The following ZMYM2 variants were observed in gnomAD, a reference collection of about 807,000 sequenced individuals.
The protein encoded by ZMYM2 is zinc finger MYM-type containing 2.
A neutral mutation model predicts 162.8 loss-of-function variants in ZMYM2; 56 were observed. The ratio of observed to expected loss-of-function variants is 0.34; its 90% CI spans 0.28 to 0.43. The LOEUF (loss-of-function observed/expected upper bound fraction) is 0.43. Ranked by LOEUF, ZMYM2 falls within the 20% of genes least tolerant of loss-of-function variation. ZMYM2 has a pLI of 1.00. For missense variants in ZMYM2, 1,275 were observed against 1,621.8 expected (o/e 0.79, Z 3.67); for synonymous variants, 510 against 541.6 (o/e 0.94, Z 0.81).
Position 19,993,869 on chromosome 13 carries a change from T to A in ZMYM2, c.797T>A (p.Val266Glu), listed in dbSNP as rs1460038608. ...VGPFNPGRMNVAGDVFQNGES... is the reference protein window; with the variant it reads ...VGPFNPGRMNEAGDVFQNGES... ...CCTTTTAATCCTGGTAGAATGAATG[T>A]GGCAGGAGACGTTTTTCAGAATGGA... Residue 266 changes from valine (V) to glutamate (E), a missense_variant, in exon 3 of 25, where the codon GTG (valine) becomes GAG (glutamate). Physicochemically the swap from Val to Glu is moderately radical, Grantham distance 121. This residue lies in a region of ZMYM2 where 115 missense variants were observed against 175.3 expected (regional missense o/e 0.66). Transcript: ENST00000610343. 2 of 1,613,928 alleles carry A rather than the reference T, an allele frequency of 1.2e-6. No homozygotes were observed. Among genetic ancestry groups the A allele is most frequent in the Non-Finnish European group, 1.7e-6 (2 of 1,179,936 alleles).
At position 20,001,583 on chromosome 13, in the gene ZMYM2, G is replaced by C. The variant is rs79534283; in HGVS notation, c.848-1267G>C. Among the ~76,000 whole-genome samples, 1,046 of 152,214 alleles carry C rather than the reference G, an allele frequency of 6.9e-3. 10 individuals are homozygous for C. Among genetic ancestry groups the C allele is most frequent in the African/African-American group, 0.023 (945 of 41,534 alleles). The stretch of plus-strand genomic sequence containing the variant: ...GACAACAAAGGATTTAGAGTATTAC[G>C]TAAACTTAGTTGATAAAGGAGTTGC... On this transcript the variant is annotated intron_variant, in intron 3 of 24. Coordinates refer to ENST00000610343, the MANE Select transcript of ZMYM2 (RefSeq NM_197968.4).
At chr13:19,871,418 T>A in the ZMYM2 span, among the ~76,000 whole-genome samples, 1 of 152,180 alleles carries the variant, frequency 6.6e-6, no homozygotes, top group Non-Finnish European at 1.5e-5. Flanking sequence ...TATTTTATTT[T>A]TATTTTTATT....
chr13:19,978,577 A>G (rs1052714048), intron 2 of ZMYM2, among the ~76,000 whole-genome samples: 2 of 151,788 alleles, frequency 1.3e-5, no homozygotes, highest in Non-Finnish European at 2.9e-5. Context: ...CCACCACGCC[A>G]GCTAATTTTG....
At position 19,974,478 on chromosome 13, in the gene ZMYM2, C is replaced by CTT. The variant is rs796692110; in HGVS notation, c.-11+14466_-11+14467dup. Among the ~76,000 whole-genome samples, 169 of 141,204 alleles carry CTT rather than the reference C, an allele frequency of 1.2e-3. 1 individual carries two copies. In the Middle Eastern group the frequency reaches 0.019, roughly 15 times the overall value. 92.6% of individuals were successfully genotyped at this position (141,204 alleles called of 152,430 possible). On this transcript the variant is annotated intron_variant, in intron 2 of 24. Coordinates refer to ENST00000610343, the MANE Select transcript of ZMYM2 (RefSeq NM_197968.4). ...TGATTTTACCATGAATATCCTTCTA[C>CTT]TTTTTTTTTTTTTTTGAGACAGACT...
intron 6 of ZMYM2, among the ~76,000 whole-genome samples, chr13:20,012,742 TTCTC>T (rs1281367477): frequency 2.0e-5 from 3 of 152,346 alleles, no homozygotes; most frequent in African/African-American, 4.8e-5. Context: ...GGATTATTCT[TTCTC>T]TGTGGAATGG....
intron 11 of ZMYM2, 63 bp downstream of exon 11, chr13:20,034,467 A>G: frequency 7.3e-7 from 1 of 1,377,228 alleles, no homozygotes; most frequent in Non-Finnish European, 9.4e-7. Context: ...TTGCCAAAAT[A>G]ATATATCCAG....
intron 7 of ZMYM2, chr13:20,025,033 T>C (rs1952453231): frequency 4.7e-6 from 1 of 213,620 alleles, no homozygotes; most frequent in Admixed American, 5.8e-5. Flanking sequence ...TTTCTTGATG[T>C]TGATTGTATT....
chr13:19,885,979 A>ATGTGTACACACATATATG, the ZMYM2 span, among the ~76,000 whole-genome samples: 2 of 34,058 alleles, frequency 5.9e-5, 1 homozygote, highest in Admixed American at 5.9e-4. Context: ...ACACATATAT[A>ATGTGTACACACATATATG]TGTATATACA....
chr13:19,996,545 GGT>G (rs1950031732), intron 3 of ZMYM2, among the ~76,000 whole-genome samples: 1 of 152,142 alleles, frequency 6.6e-6, no homozygotes, highest in African/African-American at 2.4e-5. Context: ...TGGCCAACAT[GGT>G]GAAACCCCAT....
chr13:19,985,689 G>A (rs551013668), intron 2 of ZMYM2, among the ~76,000 whole-genome samples: 2 of 151,106 alleles, frequency 1.3e-5, no homozygotes, highest in Admixed American at 1.3e-4. Flanking sequence ...GCAACAGGGC[G>A]AGACTTGGTC....
chr13:20,031,249 T>G, intron 9 of ZMYM2, 70 bp from the exon 10 acceptor site: 6 of 1,064,246 alleles, frequency 5.6e-6, no homozygotes, highest in Non-Finnish European at 8.3e-6. Context: ...ATCGTAGATA[T>G]ATGACAGTAA....
At chr13:20,004,521 C>T (rs1950606068) in intron 4 of ZMYM2, among the ~76,000 whole-genome samples, 1 of 152,208 alleles carries the variant, frequency 6.6e-6, no homozygotes, top group Admixed American at 6.5e-5. Context: ...TCCCAAAGTG[C>T]TGGGATTACA....
chr13:19,955,989 T>C (rs1440975950), upstream of ZMYM2, among the ~76,000 whole-genome samples: 1 of 152,238 alleles, frequency 6.6e-6, no homozygotes, highest in East Asian at 1.9e-4. Context: ...TGTGGATTTA[T>C]TGAGATATAA....
At chr13:19,995,514 A>C (rs763084658) in intron 3 of ZMYM2, among the ~76,000 whole-genome samples, 5 of 151,882 alleles carry the variant, frequency 3.3e-5, no homozygotes, top group Non-Finnish European at 7.4e-5. Flanking sequence ...TAGTAGCTGG[A>C]ATTATAAATG....
chr13:19,923,815 T>A, the ZMYM2 span, among the ~76,000 whole-genome samples: 1 of 151,592 alleles, frequency 6.6e-6, no homozygotes, highest in Non-Finnish European at 1.5e-5. Context: ...GGATTACAGG[T>A]AGGAGTCACC....
intron 21 of ZMYM2, chr13:20,068,152 A>G (rs2140897786): frequency 5.5e-6 from 1 of 180,822 alleles, no homozygotes; most frequent in South Asian, 2.0e-4. Context: ...AAATCACTGT[A>G]TTCAAGGACC....
chr13:20,052,333 T>G, intron 14 of ZMYM2, 22 bp downstream of exon 14: 1 of 1,561,776 alleles, frequency 6.4e-7, no homozygotes, highest in Non-Finnish European at 8.7e-7. Context: ...TGAAATGGAG[T>G]GCTGAATTGT....
chr13:19,881,869 C>A, the ZMYM2 span, among the ~76,000 whole-genome samples: 1 of 151,418 alleles, frequency 6.6e-6, no homozygotes. Context: ...GTAATCCCAG[C>A]TACTTGGGAG....
chr13:19,872,060 C>A, the ZMYM2 span, among the ~76,000 whole-genome samples: 1 of 151,892 alleles, frequency 6.6e-6, no homozygotes, highest in African/African-American at 2.4e-5. Flanking sequence ...TCCTTGACCT[C>A]CTGGGTTCAG....
Sources: allele counts gnomAD v4.1 joint callset (sites outside exome capture counted in the v4.1 genomes callset), GRCh38; gene constraint gnomAD v4.1.1; regional missense constraint gnomAD v4.1.1; transcripts MANE v1.5; gene names NCBI Gene and HGNC (gene_info 2026-07-23, HGNC 2026-07-21).